DIXDC1: variants seen among roughly 807,000 people sequenced by gnomAD.
The protein encoded by DIXDC1 is dixin.
Under a neutral mutation model 103.1 loss-of-function variants are expected in DIXDC1, and 64 were observed. The ratio of observed to expected loss-of-function variants is 0.62; its 90% CI spans 0.51 to 0.76. The LOEUF (loss-of-function observed/expected upper bound fraction) is 0.76, where lower values mean the gene tolerates loss of function less well. Ranked by LOEUF, DIXDC1 falls within the 30% of genes least tolerant of loss-of-function variation. DIXDC1 has a pLI of 0.00. For missense variants in DIXDC1, 759 were observed against 834.2 expected (o/e 0.91, Z 1.11); for synonymous variants, 266 against 298.5 (o/e 0.89, Z 1.12).
intron 17 of DIXDC1, among the ~76,000 whole-genome samples, chr11:112,008,368 G>A (rs1417216428): frequency 6.6e-6 from 1 of 152,128 alleles, no homozygotes; most frequent in Non-Finnish European, 1.5e-5. Context: ...AATAATGGGA[G>A]ACTTTTACAC....
intron 1 of DIXDC1, among the ~76,000 whole-genome samples, chr11:111,940,793 T>C (rs1318815531): frequency 6.6e-5 from 10 of 152,210 alleles, no homozygotes; most frequent in Non-Finnish European, 1.5e-4. Context: ...CATCTGCTCA[T>C]TGAGGCCAGA....
intron 8 of DIXDC1, 114 bp downstream of exon 8, chr11:111,985,435 G>T: frequency 3.7e-6 from 3 of 804,498 alleles, no homozygotes; most frequent in East Asian, 2.8e-5. Context: ...GACCAGTTCT[G>T]GTTTTCCTCC....
intron 1 of DIXDC1, among the ~76,000 whole-genome samples, chr11:111,953,248 G>T (rs766053123): frequency 3.3e-5 from 5 of 152,056 alleles, no homozygotes; most frequent in South Asian, 2.1e-4. Flanking sequence ...ATGGGAATGC[G>T]GTGGAAAGAA....
At chr11:112,011,089 C>T (rs1555177154) in intron 17 of DIXDC1, among the ~76,000 whole-genome samples, 1 of 152,114 alleles carries the variant, frequency 6.6e-6, no homozygotes, top group African/African-American at 2.4e-5. Flanking sequence ...CTACAAAGAA[C>T]TTAAACAAAT....
At position 111,993,360 on chromosome 11, in the gene DIXDC1, T is replaced by C. The variant is rs587713352; in HGVS notation, c.1273-136T>C. The C allele has an allele frequency of 1.5e-5, 12 of 814,860 alleles. No homozygotes were observed. In the Admixed American group the frequency reaches 2.4e-4, roughly 17 times the overall value. The allele number at this position is 814,860 out of a possible 1,614,324, so 50.5% of individuals were successfully genotyped here. A position where few individuals can be genotyped will look rare whatever the true frequency, so the allele number is the denominator to read the frequency against. The stretch of plus-strand genomic sequence containing the variant: ...TGTAAGATTATTATGGTGTGTAAAG[T>C]CTTCCTGGTATATTTGAGGAAAGGA... On this transcript the variant is annotated intron_variant, in intron 12 of 19. Coordinates refer to ENST00000440460, the MANE Select transcript of DIXDC1 (RefSeq NM_001037954.4).
chr11:111,994,882 A>G, intron 14 of DIXDC1, 137 bp from the exon 15 acceptor site: 1 of 819,070 alleles, frequency 1.2e-6, no homozygotes, highest in Non-Finnish European at 1.9e-6. Context: ...AGAAAGATAC[A>G]TTCTAATAAA....
chr11:112,004,700 G>A (rs1222345940), intron 17 of DIXDC1, among the ~76,000 whole-genome samples: 5 of 152,180 alleles, frequency 3.3e-5, no homozygotes, highest in Non-Finnish European at 7.4e-5. Flanking sequence ...TATGAGGAAA[G>A]CCTACAGCTG....
intron 1 of DIXDC1, chr11:111,945,934 A>AT (rs59564914): frequency 0.91 from 108,570 of 119,596 alleles, 50,004 homozygotes; most frequent in East Asian, 0.99. Context: ...AGCCCGGTTA[A>AT]TTTTTTTTTT....
At chr11:111,937,262 C>T (rs1966235556), upstream of DIXDC1, 2 of 1,282,968 alleles carry the variant, frequency 1.6e-6, no homozygotes, top group East Asian at 3.2e-5. Context: ...AGTGCGCGCC[C>T]AGTTGTTTCC....
intron 17 of DIXDC1, 137 bp downstream of exon 17, chr11:111,996,283 T>C: frequency 1.4e-6 from 1 of 709,582 alleles, no homozygotes. Context: ...GTAGCAATAC[T>C]GCAATTGAGT....
rs150983224 is a variant in DIXDC1, at chr11:111,977,109, A to G, written c.656+2126A>G. 6.5e-3 allele frequency: 1,680 copies of G among 257,244 alleles called. 28 individuals are homozygous for G. Among genetic ancestry groups the G allele is most frequent in the African/African-American group, 0.036 (1,578 of 43,436 alleles). 15.9% of individuals were successfully genotyped at this position (257,244 alleles called of 1,614,324 possible). Reference sequence around the variant, plus strand: ...TTCCCCTGCCTATCCTGAGGCTCCCAATCTCCTCTCCTCGCATCCCCCAAC... The same window carrying G: ...TTCCCCTGCCTATCCTGAGGCTCCCGATCTCCTCTCCTCGCATCCCCCAAC... On this transcript the variant is annotated intron_variant, in intron 5 of 19. Transcript: ENST00000440460. The surrounding 1 kb of genome is among the most constrained non-coding windows in gnomAD (Gnocchi z 6.1).
chr11:111,961,549 T>C (rs1316518431), intron 1 of DIXDC1, among the ~76,000 whole-genome samples: 1 of 152,224 alleles, frequency 6.6e-6, no homozygotes, highest in Non-Finnish European at 1.5e-5. Context: ...AAAGTGACTA[T>C]TACTGTTTAT....
At chr11:112,009,034 G>A (rs1861328118) in intron 17 of DIXDC1, among the ~76,000 whole-genome samples, 1 of 152,000 alleles carries the variant, frequency 6.6e-6, no homozygotes, top group Non-Finnish European at 1.5e-5. Flanking sequence ...TTTTTGAAGG[G>A]ATCAACAAAA....
chr11:112,007,009 G>A (rs1354494755), intron 17 of DIXDC1, among the ~76,000 whole-genome samples: 2 of 152,144 alleles, frequency 1.3e-5, no homozygotes, highest in East Asian at 1.9e-4. Context: ...AAACTTCTCC[G>A]AGCTAGAGGA....
rs1555177755 is a variant in DIXDC1, at chr11:112,016,676, T to G, written c.1757-15T>G. 6.3e-7 allele frequency: 1 copy of G among 1,577,594 alleles called. No individual in the cohort carries two copies. The highest frequency in any genetic ancestry group is 1.9e-5 in the Admixed American group (1 of 52,314). ...GCAAATGAATGTTCTAACCACAGTCTCTTTCTGATTGTAGAGTTGCCTCAC... is the reference window on the plus strand; with the variant it reads ...GCAAATGAATGTTCTAACCACAGTCGCTTTCTGATTGTAGAGTTGCCTCAC... On this transcript the variant is annotated splice_polypyrimidine_tract_variant and intron_variant, in intron 17 of 19. Coordinates refer to ENST00000440460, the MANE Select transcript of DIXDC1 (RefSeq NM_001037954.4).
At chr11:111,930,824 C>T (rs1453927028) in intron 2 of DIXDC1, among the ~76,000 whole-genome samples, 1 of 143,198 alleles carries the variant, frequency 7.0e-6, no homozygotes, top group African/African-American at 2.9e-5. Context: ...ATAGTGAGAC[C>T]CTCCTTTCTT....
chr11:112,004,405 AAAGGTG>A (rs1469657316), intron 17 of DIXDC1, among the ~76,000 whole-genome samples: 1 of 152,112 alleles, frequency 6.6e-6, no homozygotes, highest in Non-Finnish European at 1.5e-5. Context: ...TGCTCTAGGC[AAAGGTG>A]AAGACCCATT....
At chr11:111,948,188 A>G (rs1277174209) in intron 1 of DIXDC1, among the ~76,000 whole-genome samples, 1 of 152,160 alleles carries the variant, frequency 6.6e-6, no homozygotes, top group Non-Finnish European at 1.5e-5. Context: ...CCACATACCG[A>G]GGCCACACTT....
chr11:111,937,518 C>G lies in DIXDC1; in HGVS notation c.19C>G (p.Arg7Gly). Residue 7 changes from arginine (R) to glycine (G), a missense_variant, in exon 1 of 20, where the codon CGA (arginine) becomes GGA (glycine). Coordinates refer to ENST00000440460, the MANE Select transcript of DIXDC1 (RefSeq NM_001037954.4). ...AGGAACAATGCTAGCCTGCCTGACC[C>G]GAGGGAACTTACTGGACGTCCTGCA... is the stretch of plus-strand genomic sequence containing the variant. MLACLT[R>G]GNLLDVLQEG... 1 of 1,595,884 alleles carries G rather than the reference C, an allele frequency of 6.3e-7. No homozygotes were observed. The highest frequency in any genetic ancestry group is 8.5e-7 in the Non-Finnish European group (1 of 1,171,580).
Sources: gnomAD v4.1 joint callset for allele counts (sites outside exome capture counted in the v4.1 genomes callset) on GRCh38, gnomAD v4.1.1 for gene constraint, Gnocchi (gnomAD v3.1) non-coding constraint, MANE v1.5 for transcripts, NCBI Gene and HGNC (gene_info 2026-07-23, HGNC 2026-07-21) for gene names.